The following PXDNL variants were observed in gnomAD, a reference collection of about 807,000 sequenced individuals.
PXDNL encodes peroxidasin like.
Under a neutral mutation model 150.8 loss-of-function variants are expected in PXDNL, and 145 were observed. The observed-to-expected ratio is 0.96, with a 90% confidence interval of 0.84 to 1.10. The LOEUF (loss-of-function observed/expected upper bound fraction) is 1.10, where lower values mean the gene tolerates loss of function less well. Ranked by LOEUF, PXDNL falls within the 50% of genes least tolerant of loss-of-function variation. PXDNL has a pLI of 0.00. For synonymous variants in PXDNL, 757 were observed against 725.7 expected, an observed-to-expected ratio of 1.04 and a Z score of -0.69; for missense variants, 2,087 against 1,873.9, an observed-to-expected ratio of 1.11 and a Z score of -2.10.
At chr8:51,800,309 A>G (rs1440535090) in intron 1 of PXDNL, among the ~76,000 whole-genome samples, 1 of 152,218 alleles carries the variant, frequency 6.6e-6, no homozygotes, top group African/African-American at 2.4e-5. Flanking sequence ...AATATATTTT[A>G]TATTGTCTAT....
At chr8:51,426,603 G>T (rs1236083640) in intron 13 of PXDNL, 43 bp downstream of exon 13, 8 of 1,116,274 alleles carry the variant, frequency 7.2e-6, no homozygotes, top group Middle Eastern at 1.9e-4. Flanking sequence ...CGATACATCT[G>T]TCAGTGTTTT....
chr8:51,647,790 T>G (rs1814951007), intron 2 of PXDNL, among the ~76,000 whole-genome samples: 1 of 152,192 alleles, frequency 6.6e-6, no homozygotes, highest in African/African-American at 2.4e-5. Context: ...AAATCACAGG[T>G]AAATGAAAAA....
rs935391194 is a variant in PXDNL, at chr8:51,690,482, C to T, written c.165-35722G>A. 3.3e-5 allele frequency among the ~76,000 whole-genome samples: 5 copies of T among 152,168 alleles called. No individual in the cohort carries two copies. The South Asian group carries it at 6.2e-4, about 19-fold the overall frequency. ...ATGATTTCCAATTTCATCCATGTCC[C>T]TACAAAGGACATGAACTCATCATTT... On this transcript the variant is annotated intron_variant, in intron 1 of 22. Transcript: ENST00000356297.
chr8:51,505,404 G>A (rs1023589935), intron 4 of PXDNL, among the ~76,000 whole-genome samples: 28 of 152,154 alleles, frequency 1.8e-4, no homozygotes, highest in Admixed American at 1.1e-3. Flanking sequence ...GTTCTGTGCC[G>A]TATGATCACC....
intron 2 of PXDNL, among the ~76,000 whole-genome samples, chr8:51,610,577 A>G (rs1045031181): frequency 6.6e-6 from 1 of 152,162 alleles, no homozygotes; most frequent in African/African-American, 2.4e-5. Flanking sequence ...ATTACCGCCA[A>G]TTCAATTGCT....
chr8:51,433,070 G>A (rs1563410263), intron 12 of PXDNL, among the ~76,000 whole-genome samples: 1 of 152,032 alleles, frequency 6.6e-6, no homozygotes, highest in Non-Finnish European at 1.5e-5. Flanking sequence ...TTAGCTGGAT[G>A]TGGCAGGGCG....
chr8:51,735,599 T>A (rs1433128941), intron 1 of PXDNL, among the ~76,000 whole-genome samples: 1 of 131,418 alleles, frequency 7.6e-6, no homozygotes, highest in Non-Finnish European at 1.6e-5. Flanking sequence ...CAGGCTGGAG[T>A]GCAGTGGCGG....
At chr8:51,720,377 T>C (rs1289218824) in intron 1 of PXDNL, among the ~76,000 whole-genome samples, 1 of 152,172 alleles carries the variant, frequency 6.6e-6, no homozygotes, top group Non-Finnish European at 1.5e-5. Context: ...TCATTCATGT[T>C]TATTTTCCCA....
chr8:51,408,183 G>A lies in PXDNL; in HGVS notation c.3441C>T (p.Asp1147=), dbSNP rs1808489569. ...SAATIIQRGR[D]HGIPPYVDFR... is the part of the protein sequence containing the mutation. ...AGTCAACATATGGTGGGATCCCGTG[G>A]TCTCTACCCCTTTGAATGATGGTGG... The change falls in exon 17 of 23, where the codon GAC becomes GAT. Residue 1147 remains aspartate (D), a synonymous_variant. Transcript: ENST00000356297. 1.2e-6 allele frequency: 2 copies of A among 1,613,898 alleles called. No homozygotes were observed. The highest frequency in any genetic ancestry group is 1.7e-6 in the Non-Finnish European group (2 of 1,179,914).
At chr8:51,743,941 A>AAGGAAGGAAGGAAGGAAGGAAGGAAG (rs1554511583) in intron 1 of PXDNL, among the ~76,000 whole-genome samples, 3 of 24,180 alleles carry the variant, frequency 1.2e-4, no homozygotes, top group Non-Finnish European at 2.9e-4. Flanking sequence ...GGAAGGAAGG[A>AAGGAAGGAAGGAAGGAAGGAAGGAAG]GAGAAAGAGA....
rs143544585 is a variant in PXDNL at position 51,607,854 on chromosome 8, G to GAGGAAGGAAGGAAGGA, written c.237-15172_237-15157dup. ...GACTCCATCTCAAAAAAAAGGAAGA[G>GAGGAAGGAAGGAAGGA]AGGAAGGAAGGAAGGAAGGAAGGAA... is the stretch of plus-strand genomic sequence containing the variant. On this transcript the variant is annotated intron_variant, in intron 2 of 22. Transcript: ENST00000356297. 1.6e-3 allele frequency among the ~76,000 whole-genome samples: 118 copies of GAGGAAGGAAGGAAGGA among 72,598 alleles called. 5 individuals are homozygous for GAGGAAGGAAGGAAGGA. Among genetic ancestry groups the GAGGAAGGAAGGAAGGA allele is most frequent in the African/African-American group, 6.9e-3 (102 of 14,820 alleles). 47.6% of individuals were successfully genotyped at this position (72,598 alleles called of 152,430 possible).
At chr8:51,398,803 C>A (rs575705823) in intron 17 of PXDNL, among the ~76,000 whole-genome samples, 4 of 144,454 alleles carry the variant, frequency 2.8e-5, no homozygotes, top group African/African-American at 8.7e-5. Flanking sequence ...AAGTAATGAA[C>A]CCCTGAATGA....
chr8:51,402,467 C>T (rs1008549883), intron 17 of PXDNL, among the ~76,000 whole-genome samples: 1 of 151,754 alleles, frequency 6.6e-6, no homozygotes, highest in Non-Finnish European at 1.5e-5. Flanking sequence ...TGCAGCAAGC[C>T]GAGATCGCAC....
chr8:51,648,419 G>A (rs1814969332), intron 2 of PXDNL, among the ~76,000 whole-genome samples: 2 of 152,350 alleles, frequency 1.3e-5, no homozygotes, highest in South Asian at 4.1e-4. Context: ...GATAGAGGCA[G>A]AGATTGGAGT....
intron 1 of PXDNL, among the ~76,000 whole-genome samples, chr8:51,721,069 C>T (rs1816722123): frequency 6.6e-6 from 1 of 152,244 alleles, no homozygotes; most frequent in African/African-American, 2.4e-5. Context: ...GAACAAGTCT[C>T]AGAGCCTCCT....
chr8:51,639,335 A>G (rs1005739219), intron 2 of PXDNL, among the ~76,000 whole-genome samples: 1 of 152,218 alleles, frequency 6.6e-6, no homozygotes, highest in Admixed American at 6.5e-5. Flanking sequence ...AGCAGAAGGC[A>G]AGAAATAACT....
intron 1 of PXDNL, among the ~76,000 whole-genome samples, chr8:51,702,224 AAGACTGACTTTT>A (rs2130883734): frequency 6.6e-6 from 1 of 152,256 alleles, no homozygotes; most frequent in African/African-American, 2.4e-5. Context: ...TGGATGAAGA[AAGACTGACTTTT>A]AGACTGACTT....
intron 17 of PXDNL, among the ~76,000 whole-genome samples, chr8:51,392,305 G>C (rs563944276): frequency 6.6e-6 from 1 of 151,974 alleles, no homozygotes; most frequent in African/African-American, 2.4e-5. Context: ...TGGGGATGGC[G>C]TTGAATCTAT....
chr8:51,401,895 C>A (rs2977012), intron 17 of PXDNL, among the ~76,000 whole-genome samples: 2 of 152,086 alleles, frequency 1.3e-5, no homozygotes, highest in Non-Finnish European at 2.9e-5. Flanking sequence ...GGAAAGGTGA[C>A]GGGGTGGTGT....
Sources: allele counts gnomAD v4.1 joint callset (sites outside exome capture counted in the v4.1 genomes callset), GRCh38; gene constraint gnomAD v4.1.1; transcripts MANE v1.5; gene names NCBI Gene and HGNC (gene_info 2026-07-23, HGNC 2026-07-21).